IDE: variants seen among roughly 807,000 people sequenced by gnomAD.
The protein encoded by IDE is insulin degrading enzyme.
In IDE, 58 loss-of-function variants were observed where a neutral mutation model predicts 133.2. That is an observed-to-expected ratio of 0.44 (90% confidence interval 0.35 to 0.54). The LOEUF is 0.54. Among genes scored for constraint, IDE ranks in the 20% least tolerant of loss-of-function variants. IDE has a pLI of 0.00. For synonymous variants in IDE, 396 were observed against 421.3 expected (o/e 0.94, Z 0.73); for missense variants, 981 against 1,234.0 (o/e 0.79, Z 3.07).
At chr10:92,518,109 C>A (rs10509645) in intron 4 of IDE, among the ~76,000 whole-genome samples, 43,514 of 151,696 alleles carry the variant, frequency 0.29, 7,764 homozygotes, top group East Asian at 0.67. Context: ...GTTTGAAGTT[C>A]TCTCGTATCA....
At chr10:92,521,366 G>C (rs768680166) in intron 4 of IDE, among the ~76,000 whole-genome samples, 78 of 151,780 alleles carry the variant, frequency 5.1e-4, no homozygotes, top group Non-Finnish European at 8.7e-4. Flanking sequence ...GAAGACAGAG[G>C]AACTTGTTAA....
At chr10:92,555,666 T>C (rs2135780564) in intron 1 of IDE, among the ~76,000 whole-genome samples, 1 of 152,242 alleles carries the variant, frequency 6.6e-6, no homozygotes, top group East Asian at 1.9e-4. Context: ...CTGATCAAAC[T>C]AGGAATAAAA....
intron 5 of IDE, among the ~76,000 whole-genome samples, chr10:92,514,654 G>A (rs1181989701): frequency 6.6e-6 from 1 of 152,040 alleles, no homozygotes; most frequent in Non-Finnish European, 1.5e-5. Context: ...TGCCCAGGCT[G>A]GGCTTGCCTT....
intron 11 of IDE, among the ~76,000 whole-genome samples, chr10:92,493,393 C>CTT (rs746219687): frequency 1.4e-4 from 19 of 137,660 alleles, no homozygotes; most frequent in African/African-American, 2.4e-4. Flanking sequence ...CGCTTGATTT[C>CTT]TTTTTTTTTT....
intron 19 of IDE, among the ~76,000 whole-genome samples, chr10:92,466,450 G>A (rs946739237): frequency 5.9e-5 from 9 of 151,500 alleles, no homozygotes; most frequent in Admixed American, 6.6e-5. Flanking sequence ...CTGAGTAGCT[G>A]GGACTATAGG....
At chr10:92,523,893 TAG>T (rs755534587) in intron 4 of IDE, among the ~76,000 whole-genome samples, 13 of 152,006 alleles carry the variant, frequency 8.6e-5, no homozygotes, top group Non-Finnish European at 1.9e-4. Flanking sequence ...ACAGTGTCGG[TAG>T]AGTTATGTTT....
At chr10:92,469,149 T>C (rs1386976386) in intron 18 of IDE, among the ~76,000 whole-genome samples, 159 bp from the exon 19 acceptor site, 2 of 152,228 alleles carry the variant, frequency 1.3e-5, no homozygotes, top group African/African-American at 2.4e-5. Flanking sequence ...TATGGTCATT[T>C]TGCAATAGAG....
chr10:92,460,496 G>A (rs1845316173), intron 22 of IDE, among the ~76,000 whole-genome samples: 1 of 152,214 alleles, frequency 6.6e-6, no homozygotes, highest in Non-Finnish European at 1.5e-5. Context: ...GGCTGTCACA[G>A]TCCTTGGTTT....
rs1849494069 is a variant in IDE, at chr10:92,524,490, TA to T, written c.661+7257del. On this transcript the variant is annotated intron_variant, in intron 4 of 24. Transcript: ENST00000265986. The stretch of plus-strand genomic sequence containing the variant: ...ATATAATATATAATATATATTATAT[TA>T]TAATATATTTTATATAATATATAAT... Among the ~76,000 whole-genome samples, 2 of 7,412 alleles carry T rather than the reference TA, an allele frequency of 2.7e-4. 1 individual carries two copies. Among genetic ancestry groups the T allele is most frequent in the Non-Finnish European group, 7.8e-4 (2 of 2,576 alleles). The allele number at this position is 7,412 out of a possible 152,430, so 4.9% of individuals were successfully genotyped here. A position where few individuals can be genotyped will look rare whatever the true frequency, so the allele number is the denominator to read the frequency against.
At chr10:92,567,128 G>GT (rs1048198228) in intron 1 of IDE, among the ~76,000 whole-genome samples, 6 of 152,154 alleles carry the variant, frequency 3.9e-5, no homozygotes, top group Non-Finnish European at 7.3e-5. Flanking sequence ...GGACCTGAGG[G>GT]TAACAGCCAG....
At chr10:92,573,372 C>A (rs1464884089) in intron 1 of IDE, among the ~76,000 whole-genome samples, 3 of 152,210 alleles carry the variant, frequency 2.0e-5, no homozygotes, top group African/African-American at 4.8e-5. Context: ...GATAGGAAAC[C>A]CCACACTCGT....
intron 11 of IDE, among the ~76,000 whole-genome samples, chr10:92,503,466 G>T (rs1970244): frequency 3.3e-5 from 5 of 152,084 alleles, no homozygotes; most frequent in Admixed American, 2.6e-4. Flanking sequence ...CCTAGCATGA[G>T]GTCAGGTAAA....
At chr10:92,486,059 G>GA (rs1846974988) in intron 13 of IDE, among the ~76,000 whole-genome samples, 2 of 152,114 alleles carry the variant, frequency 1.3e-5, no homozygotes, top group Non-Finnish European at 2.9e-5. Context: ...CATTTTTAAA[G>GA]AAAAACGGGT....
intron 1 of IDE, among the ~76,000 whole-genome samples, chr10:92,546,639 T>G (rs1232716608): frequency 1.3e-5 from 2 of 152,236 alleles, no homozygotes; most frequent in Non-Finnish European, 2.9e-5. Flanking sequence ...GATGCTATCT[T>G]GGCCACAAGA....
intron 1 of IDE, among the ~76,000 whole-genome samples, chr10:92,546,968 T>G (rs974727644): frequency 1.3e-5 from 2 of 152,154 alleles, no homozygotes; most frequent in Admixed American, 6.5e-5. Flanking sequence ...GAATACCATA[T>G]AACGTTAACA....
At chr10:92,508,669 T>G (rs1449187125) in intron 7 of IDE, 59 bp downstream of exon 7, 44 of 1,497,982 alleles carry the variant, frequency 2.9e-5, no homozygotes, top group Non-Finnish European at 3.8e-5. Context: ...CAGGAGAAAA[T>G]GAGAGCCAGA....
intron 16 of IDE, 49 bp downstream of exon 16, chr10:92,475,835 T>C (rs1299657815): frequency 1.5e-6 from 1 of 682,732 alleles, no homozygotes; most frequent in Non-Finnish European, 2.5e-6. Flanking sequence ...CTTTTTATAA[T>C]ATAGCAATAT....
In IDE at chr10:92,499,465, C is replaced by T. The variant is rs532037100; in HGVS notation, c.1430+5329G>A. 2.7e-3 allele frequency among the ~76,000 whole-genome samples: 405 copies of T among 152,140 alleles called. 1 individual carries two copies. The highest frequency in any genetic ancestry group is 9.3e-3 in the African/African-American group (388 of 41,514). ...CAGCCTTCTTTAAGACAGGGTCTCA[C>T]CCTGTTGCCCAGGCTGGAGTGCAGT... On this transcript the variant is annotated intron_variant, in intron 11 of 24. Transcript: ENST00000265986.
intron 1 of IDE, chr10:92,554,974 C>G (rs1327459528): frequency 1.3e-5 from 2 of 152,146 alleles, no homozygotes; most frequent in Non-Finnish European, 2.9e-5. Flanking sequence ...AATTCAACAG[C>G]CTTTCACGGT....
Sources: allele counts gnomAD v4.1 joint callset (sites outside exome capture counted in the v4.1 genomes callset), GRCh38; gene constraint gnomAD v4.1.1; transcripts MANE v1.5; gene names NCBI Gene and HGNC (gene_info 2026-07-23, HGNC 2026-07-21).